Variants in KDM6B observed in about 807,000 individuals in gnomAD.
The protein encoded by KDM6B is lysine-specific demethylase 6B.
A neutral mutation model predicts 150.4 loss-of-function variants in KDM6B; 22 were observed. The ratio of observed to expected loss-of-function variants is 0.15; its 90% confidence interval spans 0.10 to 0.21. The LOEUF is 0.21. Ranked by LOEUF, KDM6B falls within the 10% of genes least tolerant of loss-of-function variation. KDM6B has a pLI of 1.00. For synonymous variants in KDM6B, 1,148 were observed against 921.1 expected (o/e 1.25, Z -4.46); for missense variants, 1,984 against 2,234.3 (o/e 0.89, Z 2.26).
rs575929747 is a variant in KDM6B, at chr17:7,847,325, C to T, written c.1130C>T (p.Ala377Val). ...CGGATGGACTCCAGCGTTTCACCAGCAGCAACCACCGCCTGCGTGCCTTAC... is the reference window on the plus strand; with the variant it reads ...CGGATGGACTCCAGCGTTTCACCAGTAGCAACCACCGCCTGCGTGCCTTAC... The part of the protein sequence containing the change: ...RSRMDSSVSP[A>V]ATTACVPYAP... Residue 377 changes from alanine to valine, a missense_variant, in exon 11 of 24, where the codon GCA (alanine) becomes GTA (valine). Coordinates refer to ENST00000448097, the MANE Select transcript of KDM6B (RefSeq NM_001348716.2). 129 of 1,609,140 alleles carry T rather than the reference C, an allele frequency of 8.0e-5. No individual in the cohort carries two copies. The South Asian group carries it at 8.6e-4, about 11-fold the overall frequency.
rs1476148349 is a variant in KDM6B, at chr17:7,853,733, C to T, written c.*212C>T. On this transcript the variant is annotated 3_prime_UTR_variant, in exon 24 of 24. Transcript: ENST00000448097. Reference sequence around the variant, plus strand: ...GGAAAAAAGGAAAAAAAATGGGAGACGGGGGAGGGGGCTGGCAGCCCCTCG... The same window carrying T: ...GGAAAAAAGGAAAAAAAATGGGAGATGGGGGAGGGGGCTGGCAGCCCCTCG... The T allele has an allele frequency of 1.2e-5, 4 of 328,748 alleles. No homozygotes were observed. Among genetic ancestry groups the T allele is most frequent in the Non-Finnish European group, 2.2e-5 (4 of 185,752 alleles). 20.4% of individuals were successfully genotyped at this position (328,748 alleles called of 1,614,324 possible).
In KDM6B at chr17:7,848,491, C is replaced by G; in HGVS notation, c.2203C>G (p.Pro735Ala). ...GGAGCCCTTTGCATCTCTGCAGTCT[C>G]CTTTCCCCACCGACACAGCCCCCAC... is the stretch of plus-strand genomic sequence containing the variant. ...LKEPFASLQS[P>A]FPTDTAPTTT... The change falls in exon 12 of 24, where the codon CCT becomes GCT. Residue 735 changes from proline (P) to alanine (A), a missense_variant. Physicochemically the swap from Pro to Ala is conservative, Grantham distance 27 (BLOSUM62 -1). Transcript: ENST00000448097. The G allele has an allele frequency of 6.2e-7, 1 of 1,611,884 alleles. No homozygotes were observed. Among genetic ancestry groups the G allele is most frequent in the Non-Finnish European group, 8.5e-7 (1 of 1,179,892 alleles).
rs568432440 is a variant in KDM6B at position 7,847,481 on chromosome 17, G to A, written c.1257+29G>A. ...AGTGACAACTGAGGGTGGAGGGGGG[G>A]ATGGGTGGAGCTTGTCTTGAGGCAG... On this transcript the variant is annotated intron_variant, in intron 11 of 23. Coordinates refer to ENST00000448097, the MANE Select transcript of KDM6B (RefSeq NM_001348716.2). 5.6e-6 allele frequency: 9 copies of A among 1,613,526 alleles called. No homozygotes were observed. The East Asian group carries it at 2.0e-4, about 36-fold the overall frequency.
rs758888321 is a variant in KDM6B at position 7,847,193 on chromosome 17, C to G, written c.998C>G (p.Ala333Gly). 1.7e-5 allele frequency: 27 copies of G among 1,602,360 alleles called. No homozygotes were observed. The highest frequency in any genetic ancestry group is 1.0e-4 in the Admixed American group (6 of 59,950). ...CCTGGCCACCGGCTGGTCCCGGCTGCTCCCCCAGGCCCAGGCCCCCGCCCC... is the reference window on the plus strand; with the variant it reads ...CCTGGCCACCGGCTGGTCCCGGCTGGTCCCCCAGGCCCAGGCCCCCGCCCC... ...HPPGHRLVPA[A>G]PPGPGPRPPG... The change falls in exon 11 of 24, where the codon GCT becomes GGT. Residue 333 changes from alanine to glycine, a missense_variant. Ala to Gly is a moderately conservative substitution (Grantham distance 60, BLOSUM62 0). This residue lies in a region of KDM6B where 1,379 missense variants were observed against 1,275.6 expected (regional missense o/e 1.08). Transcript: ENST00000448097.
At chr17:7,842,182 G>A (rs1208665421) in intron 2 of KDM6B, among the ~76,000 whole-genome samples, 2 of 152,136 alleles carry the variant, frequency 1.3e-5, no homozygotes, top group African/African-American at 4.8e-5. Flanking sequence ...AGTTAAGTGG[G>A]TGTGATTGAT....
At chr17:7,851,456 C>T in intron 16 of KDM6B, 22 bp from the exon 17 acceptor site, 1 of 1,614,214 alleles carries the variant, frequency 6.2e-7, no homozygotes, top group Non-Finnish European at 8.5e-7. Flanking sequence ...TCTCCACCAA[C>T]CTGTGCTCTT....
chr17:7,851,472 C>T lies in KDM6B; in HGVS notation c.3945-6C>T, dbSNP rs767303165. On this transcript the variant is annotated splice_region_variant and splice_polypyrimidine_tract_variant and intron_variant, in intron 16 of 23. Coordinates refer to ENST00000448097, the MANE Select transcript of KDM6B (RefSeq NM_001348716.2). ...CTCCACCAACCTGTGCTCTTCGCCC[C>T]AGCAGCAGCGCACCAGACCCGAAGA... 5.0e-6 allele frequency: 8 copies of T among 1,614,212 alleles called. No individual in the cohort carries two copies. Among genetic ancestry groups the T allele is most frequent in the Admixed American group, 1.7e-5 (1 of 60,024 alleles).
chr17:7,836,087 G>T (rs113156048), intron 1 of KDM6B, among the ~76,000 whole-genome samples: 1 of 152,210 alleles, frequency 6.6e-6, no homozygotes, highest in Non-Finnish European at 1.5e-5. Context: ...AAGCGAGCGG[G>T]TACCAGCGCC....
At chr17:7,835,747 A>ACC (rs528998599) in intron 1 of KDM6B, among the ~76,000 whole-genome samples, 1 of 100,948 alleles carries the variant, frequency 9.9e-6, no homozygotes, top group African/African-American at 3.7e-5. Context: ...GCTCGCGCCC[A>ACC]CCCCCCGCCC....
chr17:7,848,047 C>T lies in KDM6B; in HGVS notation c.1759C>T (p.Pro587Ser). 3.7e-6 allele frequency: 6 copies of T among 1,611,184 alleles called. No homozygotes were observed. Among genetic ancestry groups the T allele is most frequent in the Non-Finnish European group, 5.1e-6 (6 of 1,178,356 alleles). Residue 587 changes from proline to serine, a missense_variant, in exon 12 of 24, where the codon CCT (proline) becomes TCT (serine). Pro to Ser is a moderately conservative substitution (Grantham distance 74, BLOSUM62 -1). Coordinates refer to ENST00000448097, the MANE Select transcript of KDM6B (RefSeq NM_001348716.2). ...CAGAAGTATAGACCCCCTTCCCCGGCCTCCCAGCCCAGCACAGAACCCCCA... is the reference window on the plus strand; with the variant it reads ...CAGAAGTATAGACCCCCTTCCCCGGTCTCCCAGCCCAGCACAGAACCCCCA... ...LARSIDPLPR[P>S]PSPAQNPQDP...
In KDM6B at chr17:7,851,980, G is replaced by C; in HGVS notation, c.4195G>C (p.Val1399Leu). ...GHQENNNFCS[V>L]NINIGPGDCE... ...CCAGGAGAATAACAACTTCTGCTCC[G>C]TCAACATCAACATTGGCCCAGGCGA... The change falls in exon 19 of 24, where the codon GTC becomes CTC. Residue 1399 changes from valine (V) to leucine (L), a missense_variant. By Grantham distance (32) the Val-to-Leu change is conservative. Transcript: ENST00000448097. 6.2e-7 allele frequency: 1 copy of C among 1,614,074 alleles called. No individual in the cohort carries two copies. Among genetic ancestry groups the C allele is most frequent in the Non-Finnish European group, 8.5e-7 (1 of 1,180,044 alleles).
intron 21 of KDM6B, 100 bp downstream of exon 21, chr17:7,852,736 G>A (rs1003786500): frequency 3.3e-6 from 5 of 1,526,176 alleles, no homozygotes; most frequent in Middle Eastern, 3.4e-4. Flanking sequence ...CTCCATCCTT[G>A]TCTGCCTGTG....
rs2151380264 is a variant in KDM6B at position 7,853,108 on chromosome 17, C to T, written c.4719C>T (p.Tyr1573=). 2 of 1,614,176 alleles carry T rather than the reference C, an allele frequency of 1.2e-6. No homozygotes were observed. Among genetic ancestry groups the T allele is most frequent in the Non-Finnish European group, 1.7e-6 (2 of 1,180,016 alleles). The part of the protein sequence containing the change: ...YQGRVKDEPA[Y]YCNECDVEVF... ...GCCGTGTCAAGGACGAGCCAGCCTA[C>T]TACTGCAACGAGTGCGATGTGAGTG... The change falls in exon 22 of 24, where the codon TAC becomes TAT. Residue 1573 remains tyrosine, a synonymous_variant. Transcript: ENST00000448097.
intron 21 of KDM6B, 109 bp from the exon 22 acceptor site, chr17:7,852,891 A>C (rs2078728743): frequency 6.9e-7 from 1 of 1,456,934 alleles, no homozygotes. Flanking sequence ...TGAAGCGGGG[A>C]GGCCCCTAGG....
Position 7,853,833 on chromosome 17 carries a change from G to T in KDM6B, c.*312G>T, listed in dbSNP as rs568098740. 1 of 218,706 alleles carries T rather than the reference G, an allele frequency of 4.6e-6. No individual in the cohort carries two copies. Among genetic ancestry groups the T allele is most frequent in the South Asian group, 1.4e-4 (1 of 7,048 alleles). 13.5% of individuals were successfully genotyped at this position (218,706 alleles called of 1,614,324 possible). A position where few individuals can be genotyped will look rare whatever the true frequency, so the allele number is the denominator to read the frequency against. On this transcript the variant is annotated 3_prime_UTR_variant, in exon 24 of 24. Transcript: ENST00000448097. ...AAGGACCAGGCTCCGGCGGCGGCGG[G>T]GGTCACATACGGGTTCCCTCACCCT...
In KDM6B at chr17:7,846,250, G is replaced by A; in HGVS notation, c.409G>A (p.Gly137Arg). ...CTGCTACCACAGCGCCCTTCGATAC[G>A]GAGGAAGCTTCGCTGAGCTGGGGCC... ...TRCYHSALRY[G>R]GSFAELGPRI... Residue 137 changes from glycine to arginine, a missense_variant, in exon 7 of 24, where the codon GGA becomes AGA. Gly to Arg is a moderately radical substitution (Grantham distance 125). Around this residue, in one of 13 missense-constraint regions of KDM6B, gnomAD observed 337 missense variants for 323.9 expected, o/e 1.04. Transcript: ENST00000448097. The A allele has an allele frequency of 6.2e-7, 1 of 1,613,970 alleles. No individual in the cohort carries two copies. Among genetic ancestry groups the A allele is most frequent in the Non-Finnish European group, 8.5e-7 (1 of 1,179,972 alleles).
Position 7,849,953 on chromosome 17 carries a change from T to C in KDM6B, c.3567+6T>C. The stretch of plus-strand genomic sequence containing the variant: ...CCCCTACACCCAGCATCTATGTATG[T>C]GTGCCACTTGGCCTCAGAACCACCC... On this transcript the variant is annotated splice_donor_region_variant and intron_variant, in intron 13 of 23. Transcript: ENST00000448097. 1 of 1,613,604 alleles carries C rather than the reference T, an allele frequency of 6.2e-7. No individual in the cohort carries two copies. Among genetic ancestry groups the C allele is most frequent in the South Asian group, 1.1e-5 (1 of 91,092 alleles).
In KDM6B at chr17:7,849,363, C is replaced by G. The variant is rs1342573680; in HGVS notation, c.3075C>G (p.Ser1025Arg). ...TGCTGGGGAACCTGGACCTGCAGAG[C>G]GAGGAGATCCAGGGTCGTGAGAAGT... ...RRVLGNLDLQ[S>R]EEIQGREKSR... The change falls in exon 12 of 24, where the codon AGC becomes AGG. Residue 1025 changes from serine to arginine, a missense_variant. Transcript: ENST00000448097. 1 of 1,601,808 alleles carries G rather than the reference C, an allele frequency of 6.2e-7. No homozygotes were observed. The highest frequency in any genetic ancestry group is 1.3e-5 in the African/African-American group (1 of 74,650).
Position 7,849,870 on chromosome 17 carries a change from C to T in KDM6B, c.3490C>T (p.Gln1164Ter), listed in dbSNP as rs762288518. 1 of 1,612,660 alleles carries T rather than the reference C, an allele frequency of 6.2e-7. No individual in the cohort carries two copies. The highest frequency in any genetic ancestry group is 1.7e-5 in the Admixed American group (1 of 59,974). ...TCGAGAGTCCTACCTTTCCCCTGCC[C>T]AGTCTGTGAAACCGAAGATCAACAC... ...KFRESYLSPA[Q>*]SVKPKINTEE... The change falls in exon 13 of 24, where the codon CAG becomes TAG. Residue 1164 changes from glutamine (Q) to a stop codon, truncating the protein, a stop_gained. Transcript: ENST00000448097. LOFTEE classifies it high-confidence loss of function.
Sources: allele counts gnomAD v4.1 joint callset (sites outside exome capture counted in the v4.1 genomes callset), GRCh38; gene constraint gnomAD v4.1.1; regional missense constraint gnomAD v4.1.1; transcripts MANE v1.5; gene names NCBI Gene and HGNC (gene_info 2026-07-23, HGNC 2026-07-21).